Variants in ERBB4 observed in about 807,000 individuals in gnomAD.
ERBB4 encodes the protein erb-b2 receptor tyrosine kinase 4, also known as receptor tyrosine-protein kinase erbB-4.
A neutral mutation model predicts 158.0 loss-of-function variants in ERBB4; 42 were observed. The ratio of observed to expected loss-of-function variants is 0.27; its 90% CI spans 0.21 to 0.34. The LOEUF (loss-of-function observed/expected upper bound fraction) is 0.34. Ranked by LOEUF, ERBB4 falls within the 10% of genes least tolerant of loss-of-function variation. The pLI is 1.00. For synonymous variants in ERBB4, 583 were observed against 558.7 expected, an observed-to-expected ratio of 1.04 and a Z score of -0.61; for missense variants, 1,333 against 1,624.1, an observed-to-expected ratio of 0.82 and a Z score of 3.08.
intron 20 of ERBB4, among the ~76,000 whole-genome samples, chr2:211,529,703 C>G (rs1301262503): frequency 6.6e-6 from 1 of 152,044 alleles, no homozygotes; most frequent in Non-Finnish European, 1.5e-5. Flanking sequence ...ATATGCAAAT[C>G]AACTAATGTG....
At chr2:212,041,578 GATC>G (rs2077142470) in intron 2 of ERBB4, among the ~76,000 whole-genome samples, 1 of 150,534 alleles carries the variant, frequency 6.6e-6, no homozygotes, top group Non-Finnish European at 1.5e-5. Flanking sequence ...TAGCAATATG[GATC>G]ATATTACATA....
At chr2:212,346,957 A>T (rs187339802) in intron 1 of ERBB4, among the ~76,000 whole-genome samples, 2 of 152,254 alleles carry the variant, frequency 1.3e-5, no homozygotes, top group African/African-American at 2.4e-5. Flanking sequence ...TATTGTACTT[A>T]TTGAAAATAA....
intron 1 of ERBB4, among the ~76,000 whole-genome samples, chr2:212,488,478 C>T (rs990352536): frequency 4.6e-5 from 7 of 151,986 alleles, no homozygotes; most frequent in African/African-American, 1.7e-4. Flanking sequence ...CAGGTCACTT[C>T]TTCACTAATG....
intron 1 of ERBB4, among the ~76,000 whole-genome samples, chr2:212,238,441 G>A (rs2106005322): frequency 6.6e-6 from 1 of 152,240 alleles, no homozygotes; most frequent in Middle Eastern, 3.4e-3. Context: ...GATGAGCCAG[G>A]TACCTCAGTT....
intron 1 of ERBB4, among the ~76,000 whole-genome samples, chr2:212,257,865 CATGGTCTA>C (rs945599420): frequency 0.011 from 1,693 of 152,080 alleles, 40 homozygotes; most frequent in African/African-American, 0.038. Flanking sequence ...AAAAAAAAAG[CATGGTCTA>C]ATGGTTAAGT....
chr2:212,531,085 CT>C (rs1268411563), intron 1 of ERBB4, among the ~76,000 whole-genome samples: 1 of 152,122 alleles, frequency 6.6e-6, no homozygotes, highest in African/African-American at 2.4e-5. Context: ...TGTGTTACTT[CT>C]CATGGGAGAG....
At chr2:211,618,090 GT>G (rs1267393540) in intron 19 of ERBB4, among the ~76,000 whole-genome samples, 1 of 151,858 alleles carries the variant, frequency 6.6e-6, no homozygotes, top group African/African-American at 2.4e-5. Context: ...CATAGTTGGA[GT>G]TTTTTAACCC....
intron 19 of ERBB4, among the ~76,000 whole-genome samples, chr2:211,581,406 C>T (rs1030287682): frequency 1.3e-5 from 2 of 151,930 alleles, no homozygotes; most frequent in African/African-American, 4.8e-5. Flanking sequence ...CAAAACACAC[C>T]TACAGAAAGA....
chr2:211,949,589 A>C (rs2080817266), intron 2 of ERBB4, among the ~76,000 whole-genome samples: 1 of 152,204 alleles, frequency 6.6e-6, no homozygotes, highest in South Asian at 2.1e-4. Context: ...ATTACATTTT[A>C]TGGCTCTTAT....
At position 211,499,561 on chromosome 2, in the gene ERBB4, A is replaced by G. The variant is rs148715140; in HGVS notation, c.2487+62342T>C. 2.0e-3 allele frequency among the ~76,000 whole-genome samples: 310 copies of G among 152,180 alleles called. 2 individuals are homozygous for G. Among genetic ancestry groups the G allele is most frequent in the Middle Eastern group, 0.014 (4 of 294 alleles). On this transcript the variant is annotated intron_variant, in intron 20 of 27. Coordinates refer to ENST00000342788, the MANE Select transcript of ERBB4 (RefSeq NM_005235.3). The stretch of plus-strand genomic sequence containing the variant: ...AAACAAAGCAAACAAACAAACAAAA[A>G]AAAGAAAACTGTGACTTACAGATCT...
intron 22 of ERBB4, among the ~76,000 whole-genome samples, chr2:211,425,636 T>C (rs2063611318): frequency 6.6e-6 from 1 of 151,790 alleles, no homozygotes; most frequent in South Asian, 2.1e-4. Context: ...ATATATATGT[T>C]TTATATTTTA....
intron 1 of ERBB4, among the ~76,000 whole-genome samples, chr2:212,309,844 C>T (rs919425761): frequency 7.3e-5 from 11 of 150,226 alleles, no homozygotes; most frequent in African/African-American, 2.7e-4. Context: ...TGACAAGTGA[C>T]AAATTTTAAA....
intron 1 of ERBB4, among the ~76,000 whole-genome samples, chr2:212,254,797 T>C (rs1164903432): frequency 1.3e-5 from 2 of 152,124 alleles, no homozygotes; most frequent in Non-Finnish European, 2.9e-5. Flanking sequence ...GTTGTAAAGG[T>C]CTGATTTCAC....
intron 1 of ERBB4, among the ~76,000 whole-genome samples, chr2:212,519,140 C>A (rs1692007045): frequency 6.6e-6 from 1 of 151,924 alleles, no homozygotes; most frequent in African/African-American, 2.4e-5. Flanking sequence ...TCTCAAAGCA[C>A]AAATAAATCC....
intron 2 of ERBB4, among the ~76,000 whole-genome samples, chr2:212,065,279 A>T (rs1396462969): frequency 6.6e-6 from 1 of 152,032 alleles, no homozygotes; most frequent in Non-Finnish European, 1.5e-5. Context: ...ATTTGGTGAA[A>T]GAATGTTCTC....
At chr2:211,924,990 G>T (rs1395025111) in intron 3 of ERBB4, among the ~76,000 whole-genome samples, 6 of 152,144 alleles carry the variant, frequency 3.9e-5, no homozygotes, top group Non-Finnish European at 7.4e-5. Flanking sequence ...GCTCCAGAGG[G>T]TGGTTAAAGA....
At chr2:211,897,269 T>C (rs1006558715) in intron 3 of ERBB4, among the ~76,000 whole-genome samples, 10 of 152,052 alleles carry the variant, frequency 6.6e-5, no homozygotes, top group African/African-American at 2.2e-4. Context: ...TGTGCTCTTA[T>C]TTATCTCATG....
chr2:211,895,494 A>T (rs554356755), intron 3 of ERBB4, among the ~76,000 whole-genome samples: 4 of 152,242 alleles, frequency 2.6e-5, no homozygotes, highest in African/African-American at 9.6e-5. Flanking sequence ...CCTGGCCTCA[A>T]GCCATCGTCC....
intron 1 of ERBB4, among the ~76,000 whole-genome samples, chr2:212,473,634 A>G (rs1267769141): frequency 6.6e-6 from 1 of 152,098 alleles, no homozygotes; most frequent in East Asian, 1.9e-4. Context: ...TGCATATGGT[A>G]ATGAGATCAG....
Sources: gnomAD v4.1 joint callset for allele counts (sites outside exome capture counted in the v4.1 genomes callset) on GRCh38, gnomAD v4.1.1 for gene constraint, MANE v1.5 for transcripts, NCBI Gene and HGNC (gene_info 2026-07-23, HGNC 2026-07-21) for gene names.